The following PITPNM2 variants were observed in gnomAD, a reference collection of about 807,000 sequenced individuals.
The protein encoded by PITPNM2 is membrane-associated phosphatidylinositol transfer protein 2.
Under a neutral mutation model 132.2 loss-of-function variants are expected in PITPNM2, and 35 were observed. The ratio of observed to expected loss-of-function variants is 0.26; its 90% CI spans 0.20 to 0.35. The LOEUF is 0.35. Ranked by LOEUF, PITPNM2 falls within the 10% of genes least tolerant of loss-of-function variation. PITPNM2 has a pLI of 1.00. For missense variants in PITPNM2, 1,332 were observed against 1,912.0 expected, an observed-to-expected ratio of 0.70 and a Z score of 5.66; for synonymous variants, 738 against 799.2, an observed-to-expected ratio of 0.92 and a Z score of 1.29.
rs759276782 is a variant in PITPNM2 at position 122,987,295 on chromosome 12, G to A, written c.3399C>T (p.Ala1133=). 7.4e-6 allele frequency: 12 copies of A among 1,611,622 alleles called. No individual in the cohort carries two copies. Among genetic ancestry groups the A allele is most frequent in the African/African-American group, 1.3e-5 (1 of 74,984 alleles). The part of the protein sequence containing the change: ...MGSDPKVRAG[A]VDVVRHWQDL... ...GGGCCACTCACCGCACCACGTCCAC[G>A]GCCCCGGCCCGCACCTTGGGGTCGC... The change falls in exon 23 of 26, where the codon GCC becomes GCT. Residue 1133 remains alanine, a synonymous_variant. Transcript: ENST00000320201.
At chr12:123,041,785 G>A (rs1239952177) in intron 2 of PITPNM2, among the ~76,000 whole-genome samples, 1 of 152,214 alleles carries the variant, frequency 6.6e-6, no homozygotes, top group East Asian at 1.9e-4. Flanking sequence ...AGGAAGGCCA[G>A]GCAAGGGGTC....
chr12:123,087,053 T>C (rs1318531024), intron 2 of PITPNM2, among the ~76,000 whole-genome samples: 2 of 152,168 alleles, frequency 1.3e-5, no homozygotes, highest in Non-Finnish European at 2.9e-5. Context: ...AGTATCTCCA[T>C]GTTCTGGCTT....
intron 8 of PITPNM2, among the ~76,000 whole-genome samples, chr12:123,002,278 G>C (rs1318578271): frequency 1.3e-5 from 2 of 152,214 alleles, no homozygotes; most frequent in African/African-American, 4.8e-5. Flanking sequence ...AGAGATTGCA[G>C]TGAGCTGAGA....
intron 3 of PITPNM2, among the ~76,000 whole-genome samples, chr12:123,027,426 T>G (rs990709540): frequency 4.6e-5 from 7 of 152,168 alleles, no homozygotes; most frequent in Admixed American, 3.9e-4. Flanking sequence ...GACCTCAAAG[T>G]GCTCCACTAA....
rs2040090853 is a variant in PITPNM2, at chr12:123,031,596, G to A, written c.78+2917C>T. Among the ~76,000 whole-genome samples, 1 of 152,080 alleles carries A rather than the reference G, an allele frequency of 6.6e-6. No individual in the cohort carries two copies. Among genetic ancestry groups the A allele is most frequent in the Non-Finnish European group, 1.5e-5 (1 of 68,014 alleles). On this transcript the variant is annotated intron_variant, in intron 3 of 25. Coordinates refer to ENST00000320201, the MANE Select transcript of PITPNM2 (RefSeq NM_020845.3). The surrounding 1 kb of genome is among the most constrained non-coding windows in gnomAD (Gnocchi z 4.5). ...ACACAGGTGCAGGGCACTAGCACCT[G>A]TGATGTGCAGCAGACCCCCTGCCCA...
chr12:123,115,538 C>CG (rs2042920009), intron 1 of PITPNM2, among the ~76,000 whole-genome samples: 3 of 151,772 alleles, frequency 2.0e-5, no homozygotes, highest in African/African-American at 2.4e-5. Context: ...CCAATACGCG[C>CG]CCGCACACAC....
intron 2 of PITPNM2, among the ~76,000 whole-genome samples, chr12:123,070,971 G>T (rs1156503533): frequency 3.3e-5 from 5 of 152,244 alleles, no homozygotes; most frequent in Non-Finnish European, 5.9e-5. Context: ...GGCCAGCAGA[G>T]AGAGGGAGTT....
At chr12:122,990,402 C>A in intron 17 of PITPNM2, 143 bp downstream of exon 17, 1 of 1,230,376 alleles carries the variant, frequency 8.1e-7, no homozygotes, top group Non-Finnish European at 1.1e-6. Context: ...CCAGCAGCCT[C>A]CCTCCCTCTA....
intron 3 of PITPNM2, among the ~76,000 whole-genome samples, chr12:123,020,643 T>C (rs1399372562): frequency 1.3e-5 from 2 of 152,024 alleles, no homozygotes; most frequent in Non-Finnish European, 2.9e-5. Context: ...GCTCAGCAGG[T>C]AGGCCAGGTA....
At chr12:123,091,548 G>A (rs2042270250) in intron 2 of PITPNM2, 2 of 152,292 alleles carry the variant, frequency 1.3e-5, no homozygotes, top group Middle Eastern at 6.8e-3. Context: ...TGAGGGTCAT[G>A]GAATTGAGAC....
At chr12:122,998,815 T>C (rs1023430668) in intron 10 of PITPNM2, among the ~76,000 whole-genome samples, 3 of 151,922 alleles carry the variant, frequency 2.0e-5, no homozygotes, top group Non-Finnish European at 4.4e-5. Flanking sequence ...ATCCAGGACT[T>C]AACAGGCCAC....
At chr12:123,013,563 C>T (rs958173528) in intron 4 of PITPNM2, among the ~76,000 whole-genome samples, 10 of 152,236 alleles carry the variant, frequency 6.6e-5, no homozygotes, top group Non-Finnish European at 5.9e-5. Flanking sequence ...GAGTCTCCAA[C>T]AGCCCTCGCT....
At chr12:123,094,296 G>C (rs1420616890) in intron 2 of PITPNM2, among the ~76,000 whole-genome samples, 1 of 152,222 alleles carries the variant, frequency 6.6e-6, no homozygotes, top group African/African-American at 2.4e-5. Context: ...TGGTGCAGGG[G>C]ATCCCAGAAC....
chr12:123,014,856 T>C (rs939782410), intron 3 of PITPNM2, among the ~76,000 whole-genome samples: 2 of 152,142 alleles, frequency 1.3e-5, no homozygotes, highest in Admixed American at 1.3e-4. Flanking sequence ...ACCTAATAAA[T>C]AAATTCAACA....
intron 2 of PITPNM2, among the ~76,000 whole-genome samples, chr12:123,109,399 G>T (rs942637553): frequency 6.6e-6 from 1 of 152,316 alleles, no homozygotes; most frequent in South Asian, 2.1e-4. Flanking sequence ...CTGCCAGCTG[G>T]GGGTGGGAGG....
At chr12:123,006,392 C>CT (rs2136204881) in intron 6 of PITPNM2, among the ~76,000 whole-genome samples, 1 of 151,586 alleles carries the variant, frequency 6.6e-6, no homozygotes, top group African/African-American at 2.4e-5. Flanking sequence ...GAATATATAC[C>CT]TTTTAAAGTA....
At chr12:122,997,230 C>A in intron 11 of PITPNM2, 95 bp downstream of exon 11, 1 of 1,558,916 alleles carries the variant, frequency 6.4e-7, no homozygotes, top group Non-Finnish European at 8.7e-7. Flanking sequence ...GACATCGGGG[C>A]AGGAGTCCTG....
intron 1 of PITPNM2, among the ~76,000 whole-genome samples, chr12:123,143,467 G>A (rs1303378074): frequency 2.0e-5 from 3 of 152,284 alleles, no homozygotes; most frequent in East Asian, 1.9e-4. Flanking sequence ...GTAATAATCC[G>A]TATGACGTAC....
chr12:123,139,300 A>T (rs940411559), intron 1 of PITPNM2, among the ~76,000 whole-genome samples: 10 of 151,930 alleles, frequency 6.6e-5, no homozygotes, highest in African/African-American at 2.4e-4. Context: ...GGAGATGGAG[A>T]CCATCCTGGC....
Sources: allele counts gnomAD v4.1 joint callset (sites outside exome capture counted in the v4.1 genomes callset), GRCh38; gene constraint gnomAD v4.1.1; non-coding constraint Gnocchi (gnomAD v3.1); transcripts MANE v1.5; gene names NCBI Gene and HGNC (gene_info 2026-07-23, HGNC 2026-07-21).